The following GSTM4 variants were observed in gnomAD, a reference collection of about 807,000 sequenced individuals.
The protein encoded by GSTM4 is GST class-mu 4.
Under a neutral mutation model 30.1 loss-of-function variants are expected in GSTM4, and 27 were observed. That is an observed-to-expected ratio of 0.90 (90% CI 0.66 to 1.24). The LOEUF is 1.24. GSTM4 is among the 50% of genes most tolerant of loss of function. The pLI, the probability that GSTM4 is intolerant of heterozygous loss-of-function variation, is 0.00. For missense variants in GSTM4, 238 were observed against 272.1 expected, an observed-to-expected ratio of 0.87 and a Z score of 0.88; for synonymous variants, 94 against 96.2, an observed-to-expected ratio of 0.98 and a Z score of 0.13.
rs1652313148 is a variant in GSTM4 at position 109,661,404 on chromosome 1, C to T, written c.*150C>T. Reference sequence around the variant, plus strand: ...TCTTTACCCCCAAGACTTTATTGGGCCTCTTCACTTCCCCTAAACCCCTGT... The same window carrying T: ...TCTTTACCCCCAAGACTTTATTGGGTCTCTTCACTTCCCCTAAACCCCTGT... On this transcript the variant is annotated 3_prime_UTR_variant, in exon 8 of 8. Transcript: ENST00000369836. 4 of 1,514,392 alleles carry T rather than the reference C, an allele frequency of 2.6e-6. No homozygotes were observed. 93.8% of individuals were successfully genotyped at this position (1,514,392 alleles called of 1,614,324 possible). A position where few individuals can be genotyped will look rare whatever the true frequency, so the allele number is the denominator to read the frequency against.
intron 5 of GSTM4, chr1:109,658,460 C>G (rs529577046): frequency 2.2e-5 from 6 of 276,894 alleles, no homozygotes; most frequent in Admixed American, 9.7e-5. Context: ...CTTTCAACTT[C>G]TTTCTCTGAG....
Position 109,656,321 on chromosome 1 carries a change from G to A in GSTM4, c.-69G>A, listed in dbSNP as rs1651976515. On this transcript the variant is annotated 5_prime_UTR_variant, in exon 1 of 8. Coordinates refer to ENST00000369836, the MANE Select transcript of GSTM4 (RefSeq NM_000850.5). ...CGCTAGGTCCAGCCCCTGCGTGCCG[G>A]GAACCCCAGAGGAGGTCGCAGTTCA... is the stretch of plus-strand genomic sequence containing the variant. 6 of 1,501,864 alleles carry A rather than the reference G, an allele frequency of 4.0e-6. No homozygotes were observed. Among genetic ancestry groups the A allele is most frequent in the Admixed American group, 1.7e-5 (1 of 59,706 alleles). The allele number at this position is 1,501,864 out of a possible 1,614,324, so 93.0% of individuals were successfully genotyped here. A position where few individuals can be genotyped will look rare whatever the true frequency, so the allele number is the denominator to read the frequency against.
At chr1:109,667,044 C>T (rs774157963), downstream of GSTM4, among the ~76,000 whole-genome samples, 6 of 152,102 alleles carry the variant, frequency 3.9e-5, no homozygotes, top group Non-Finnish European at 8.8e-5. Flanking sequence ...CAGCATCCTA[C>T]GCAAACTCTA....
Position 109,657,495 on chromosome 1 carries a change from G to A in GSTM4, c.178-95G>A, listed in dbSNP as rs775421065. On this transcript the variant is annotated intron_variant, in intron 3 of 7. Coordinates refer to ENST00000369836, the MANE Select transcript of GSTM4 (RefSeq NM_000850.5). ...CAGGCCTGCCATGAGCGGGCACAGT[G>A]AGTGCCTGGTCTCCCCTCTGCCCTT... 1.7e-5 allele frequency: 26 copies of A among 1,562,530 alleles called. No homozygotes were observed. In the Admixed American group the frequency reaches 4.3e-4, roughly 26 times the overall value.
intron 7 of GSTM4, chr1:109,659,429 C>G (rs1378579160): frequency 6.7e-6 from 9 of 1,343,894 alleles, no homozygotes; most frequent in Non-Finnish European, 7.9e-6. Flanking sequence ...GGGTGGCAGT[C>G]AGGGCTCTCC....
chr1:109,657,856 G>C lies in GSTM4; in HGVS notation c.344G>C (p.Cys115Ser). The C allele has an allele frequency of 6.2e-7, 1 of 1,614,144 alleles. No homozygotes were observed. Among genetic ancestry groups the C allele is most frequent in the Non-Finnish European group, 8.5e-7 (1 of 1,179,984 alleles). Residue 115 changes from cysteine to serine, a missense_variant, in exon 5 of 8, where the codon TGC becomes TCC. Physicochemically the swap from Cys to Ser is moderately radical, Grantham distance 112. Coordinates refer to ENST00000369836, the MANE Select transcript of GSTM4 (RefSeq NM_000850.5). ...MDVSNQLARVCYSPDFEKLKP... is the reference protein window; with the variant it reads ...MDVSNQLARVSYSPDFEKLKP... ...GTCTCCAATCAGCTGGCCAGAGTCT[G>C]CTACAGCCCTGACTTTGTGAGTCCC...
chr1:109,658,541 C>T (rs1023495462), intron 5 of GSTM4: 1 of 480,216 alleles, frequency 2.1e-6, no homozygotes. Context: ...CTCAGGTGCT[C>T]CTGGGCTGAC....
chr1:109,667,393 T>G (rs1439945147), downstream of GSTM4, among the ~76,000 whole-genome samples: 2 of 152,018 alleles, frequency 1.3e-5, no homozygotes. Flanking sequence ...TTACCCCAGA[T>G]TCTAACGTTT....
chr1:109,665,108 T>C (rs188847570), downstream of GSTM4: 37 of 921,428 alleles, frequency 4.0e-5, no homozygotes, highest in Non-Finnish European at 5.7e-5. Flanking sequence ...CTTGTGAGGG[T>C]GTTTCCAGAA....
chr1:109,665,314 T>TAACA, downstream of GSTM4: 2 of 519,110 alleles, frequency 3.9e-6, no homozygotes, highest in South Asian at 4.9e-5. Flanking sequence ...GATCAGGGAC[T>TAACA]AACACCATCG....
chr1:109,661,121 G>A, intron 7 of GSTM4, 44 bp from the exon 8 acceptor site: 1 of 1,608,518 alleles, frequency 6.2e-7, no homozygotes, highest in Non-Finnish European at 8.5e-7. Context: ...CAGCCCTCAT[G>A]GGCAGCTGAC....
At chr1:109,662,848 AG>A (rs1652362263), downstream of GSTM4, among the ~76,000 whole-genome samples, 1 of 152,222 alleles carries the variant, frequency 6.6e-6, no homozygotes, top group African/African-American at 2.4e-5. Context: ...ACATCTACCC[AG>A]GACCCAGAAA....
At chr1:109,664,039 A>G (rs1283093214), downstream of GSTM4, among the ~76,000 whole-genome samples, 1 of 152,184 alleles carries the variant, frequency 6.6e-6, no homozygotes, top group East Asian at 1.9e-4. Context: ...TTTCTCTTTA[A>G]CATTTTACCT....
At chr1:109,659,835 C>T in intron 7 of GSTM4, 1 of 624,062 alleles carries the variant, frequency 1.6e-6, no homozygotes, top group South Asian at 1.4e-5. Context: ...ACTGATTTTA[C>T]TGCTATTCAC....
At position 109,656,191 on chromosome 1, in the gene GSTM4, C is replaced by T. The variant is rs370256916; in HGVS notation, c.-199C>T. 6 of 624,240 alleles carry T rather than the reference C, an allele frequency of 9.6e-6. No homozygotes were observed. The highest frequency in any genetic ancestry group is 5.6e-5 in the African/African-American group (3 of 53,704). The allele number at this position is 624,240 out of a possible 1,614,324, so 38.7% of individuals were successfully genotyped here. A position where few individuals can be genotyped will look rare whatever the true frequency, so the allele number is the denominator to read the frequency against. ...TGAGGATCCAGCAACCTGCTCCGTG[C>T]CTCCCGCGCCTGTTGGTTGGAAGTG... On this transcript the variant is annotated 5_prime_UTR_variant, in exon 1 of 8. Coordinates refer to ENST00000369836, the MANE Select transcript of GSTM4 (RefSeq NM_000850.5).
Position 109,658,875 on chromosome 1 carries a change from TC to T in GSTM4, c.424del (p.Leu142TrpfsTer15). The T allele has an allele frequency of 3.1e-6, 5 of 1,614,084 alleles. No homozygotes were observed. The highest frequency in any genetic ancestry group is 4.2e-6 in the Non-Finnish European group (5 of 1,179,942). ...LPTMMQHFSQFLGKRPWFVGD... is the reference protein window; with the variant it reads ...LPTMMQHFSQXLGKRPWFVGD... ...ACAATGATGCAGCACTTCTCACAGT[TC>T]CTGGGGAAGAGGCCATGGTTTGTTG... is the stretch of plus-strand genomic sequence containing the variant. On this transcript the variant is annotated frameshift_variant, in exon 6 of 8. Coordinates refer to ENST00000369836, the MANE Select transcript of GSTM4 (RefSeq NM_000850.5). LOFTEE classifies it high-confidence loss of function.
At chr1:109,661,857 A>G (rs78635736), downstream of GSTM4, 1,291 of 275,634 alleles carry the variant, frequency 4.7e-3, 21 homozygotes, top group African/African-American at 0.027. Context: ...TTTTTGAAAT[A>G]AGGTCTCCTG....
At chr1:109,663,527 G>A (rs984802242), downstream of GSTM4, among the ~76,000 whole-genome samples, 34 of 152,188 alleles carry the variant, frequency 2.2e-4, no homozygotes, top group Non-Finnish European at 4.0e-4. Flanking sequence ...TCAGCCAGGC[G>A]TGGTGGCAGC....
downstream of GSTM4, chr1:109,665,200 G>A: frequency 7.6e-6 from 5 of 661,504 alleles, no homozygotes; most frequent in Admixed American, 2.3e-5. Flanking sequence ...AGGGCCCAGA[G>A]AGAAGAAAAA....
Sources: gnomAD v4.1 joint callset for allele counts (sites outside exome capture counted in the v4.1 genomes callset) on GRCh38, gnomAD v4.1.1 for gene constraint, MANE v1.5 for transcripts, NCBI Gene and HGNC (gene_info 2026-07-23, HGNC 2026-07-21) for gene names.